Variants in SPOPL observed in about 807,000 individuals in gnomAD.
SPOPL encodes speckle-type POZ protein-like.
Under a neutral mutation model 53.8 loss-of-function variants are expected in SPOPL, and 23 were observed. That is an observed-to-expected ratio of 0.43 (90% CI 0.31 to 0.61). The LOEUF (loss-of-function observed/expected upper bound fraction) is 0.61. Among genes scored for constraint, SPOPL ranks in the 20% least tolerant of loss-of-function variants. The pLI, the probability that SPOPL is intolerant of heterozygous loss-of-function variation, is 0.12. For synonymous variants in SPOPL, 164 were observed against 149.7 expected, an observed-to-expected ratio of 1.10 and a Z score of -0.70; for missense variants, 442 against 466.9, an observed-to-expected ratio of 0.95 and a Z score of 0.49.
chr2:138,528,421 T>TG (rs1172807624), intron 1 of SPOPL, among the ~76,000 whole-genome samples: 1 of 152,226 alleles, frequency 6.6e-6, no homozygotes, highest in Non-Finnish European at 1.5e-5. Flanking sequence ...TCCTCTGACT[T>TG]GAATTTTTAA....
At chr2:138,504,865 A>T (rs1445844847) in intron 1 of SPOPL, among the ~76,000 whole-genome samples, 1 of 152,174 alleles carries the variant, frequency 6.6e-6, no homozygotes, top group East Asian at 1.9e-4. Flanking sequence ...TTTTATTCTG[A>T]TGTGGCACTG....
rs1174708306 is a variant in SPOPL, at chr2:138,550,603, T to TG, written c.200+1dup. The TG allele has an allele frequency of 2.5e-6, 4 of 1,591,136 alleles. No homozygotes were observed. The highest frequency in any genetic ancestry group is 3.4e-6 in the Non-Finnish European group (4 of 1,167,724). On this transcript the variant is annotated frameshift_variant and splice_region_variant, in exon 3 of 11. Transcript: ENST00000280098. LOFTEE classifies it high-confidence loss of function. The stretch of plus-strand genomic sequence containing the variant: ...ATCTGGCCCAAGTGACAAAATGAAA[T>TG]GGTAAGATTTTTGTTTGCTTTGAAT...
At chr2:138,566,708 G>A (rs958077123) in intron 10 of SPOPL, among the ~76,000 whole-genome samples, 35 of 152,220 alleles carry the variant, frequency 2.3e-4, no homozygotes, top group African/African-American at 7.7e-4. Flanking sequence ...CATCTTCTGT[G>A]TTTCAAGTAC....
chr2:138,550,904 T>G lies in SPOPL; in HGVS notation c.202T>G (p.Cys68Gly). The change falls in exon 4 of 11, where the codon TGC becomes GGC. Residue 68 changes from cysteine to glycine, a missense_variant and splice_region_variant. Transcript: ENST00000280098. ...TGTGAGCTTATTGTTTTATTTTAGG[T>G]GCCTGAGGGTAAACCCAAAGGGATT... is the stretch of plus-strand genomic sequence containing the variant. Reference protein sequence around the residue: ...SSGPSDKMKWCLRVNPKGLDD... With the variant: ...SSGPSDKMKWGLRVNPKGLDD... 1 of 1,605,374 alleles carries G rather than the reference T, an allele frequency of 6.2e-7. No individual in the cohort carries two copies. Among genetic ancestry groups the G allele is most frequent in the Non-Finnish European group, 8.5e-7 (1 of 1,177,210 alleles).
At chr2:138,565,467 A>G (rs962598560) in intron 10 of SPOPL, among the ~76,000 whole-genome samples, 2 of 152,160 alleles carry the variant, frequency 1.3e-5, no homozygotes, top group Non-Finnish European at 2.9e-5. Context: ...TAGCAATTTG[A>G]TATTCCCTTT....
chr2:138,526,361 C>T (rs1196479781), intron 1 of SPOPL, among the ~76,000 whole-genome samples: 1 of 152,036 alleles, frequency 6.6e-6, no homozygotes, highest in Admixed American at 6.6e-5. Flanking sequence ...TCTTCACTTC[C>T]ATGTTTTCTT....
At position 138,534,177 on chromosome 2, in the gene SPOPL, A is replaced by G. The variant is rs186783679; in HGVS notation, c.-60-15980A>G. ...ACTTTATTCTCTAATAGTGGCTAAT[A>G]TAGACTCAATAGTTATAGAAGGTGT... On this transcript the variant is annotated intron_variant, in intron 1 of 10. Transcript: ENST00000280098. Among the ~76,000 whole-genome samples, 657 of 152,304 alleles carry G rather than the reference A, an allele frequency of 4.3e-3. 4 individuals carry two copies. The highest frequency in any genetic ancestry group is 0.015 in the African/African-American group (622 of 41,576).
intron 1 of SPOPL, among the ~76,000 whole-genome samples, chr2:138,524,892 C>G (rs988499875): frequency 2.0e-5 from 3 of 152,004 alleles, no homozygotes; most frequent in African/African-American, 7.3e-5. Context: ...CAGACTGTTC[C>G]AGTCTCTGCC....
chr2:138,532,489 C>T (rs578066200), intron 1 of SPOPL, among the ~76,000 whole-genome samples: 1 of 139,008 alleles, frequency 7.2e-6, no homozygotes, highest in South Asian at 2.3e-4. Context: ...TGCAGTGGCA[C>T]GATCTTGGCT....
intron 1 of SPOPL, among the ~76,000 whole-genome samples, chr2:138,514,538 C>T (rs1354783381): frequency 6.6e-6 from 1 of 152,170 alleles, no homozygotes; most frequent in Non-Finnish European, 1.5e-5. Context: ...ATAGTTTATT[C>T]TCACTGCTTC....
At chr2:138,561,407 TAGAG>T (rs1483470523) in intron 8 of SPOPL, among the ~76,000 whole-genome samples, 5 of 152,174 alleles carry the variant, frequency 3.3e-5, no homozygotes, top group Non-Finnish European at 7.3e-5. Flanking sequence ...TTTTTGAAGG[TAGAG>T]AAACTGCAAA....
chr2:138,542,206 G>A (rs529875738), intron 1 of SPOPL, among the ~76,000 whole-genome samples: 26 of 152,198 alleles, frequency 1.7e-4, no homozygotes, highest in South Asian at 4.1e-4. Context: ...AAAAATGTAT[G>A]TTCTGTTGAT....
At chr2:138,567,783 A>G (rs775341308) in intron 10 of SPOPL, among the ~76,000 whole-genome samples, 72 of 152,142 alleles carry the variant, frequency 4.7e-4, no homozygotes, top group Non-Finnish European at 9.1e-4. Flanking sequence ...AGAAAGTAAG[A>G]AATATTTTGA....
At chr2:138,521,864 T>C (rs770459734) in intron 1 of SPOPL, among the ~76,000 whole-genome samples, 1 of 152,154 alleles carries the variant, frequency 6.6e-6, no homozygotes, top group African/African-American at 2.4e-5. Flanking sequence ...TTCCTTAGCA[T>C]AGTACCCAAG....
intron 1 of SPOPL, among the ~76,000 whole-genome samples, chr2:138,534,675 A>G (rs973480718): frequency 1.3e-5 from 2 of 152,164 alleles, no homozygotes; most frequent in Non-Finnish European, 2.9e-5. Flanking sequence ...GGCTTAGTAC[A>G]TTGACAGTGT....
intron 4 of SPOPL, among the ~76,000 whole-genome samples, 195 bp from the exon 5 acceptor site, chr2:138,552,359 T>A (rs149995380): frequency 6.6e-6 from 1 of 152,170 alleles, no homozygotes; most frequent in Non-Finnish European, 1.5e-5. Context: ...CAAAATTGAG[T>A]AGGCATATGG....
intron 7 of SPOPL, among the ~76,000 whole-genome samples, chr2:138,560,005 C>T (rs1685510115): frequency 6.6e-6 from 1 of 151,632 alleles, no homozygotes; most frequent in African/African-American, 2.4e-5. Flanking sequence ...GATCAGCCTT[C>T]TGATCACTTC....
At chr2:138,519,627 C>T (rs564564149) in intron 1 of SPOPL, among the ~76,000 whole-genome samples, 3 of 152,048 alleles carry the variant, frequency 2.0e-5, no homozygotes, top group African/African-American at 7.2e-5. Context: ...AGTGTGACCC[C>T]GTCCCAAAAC....
chr2:138,527,050 T>A (rs908201019), intron 1 of SPOPL, among the ~76,000 whole-genome samples: 1 of 151,548 alleles, frequency 6.6e-6, no homozygotes. Context: ...TAAGTTCAGC[T>A]TTTTTTTTCT....
Sources: gnomAD v4.1 joint callset for allele counts (sites outside exome capture counted in the v4.1 genomes callset) on GRCh38, gnomAD v4.1.1 for gene constraint, MANE v1.5 for transcripts, NCBI Gene and HGNC (gene_info 2026-07-23, HGNC 2026-07-21) for gene names.